Variants in IFNGR2 observed in about 807,000 individuals in gnomAD.
IFNGR2 encodes interferon gamma receptor 2, also known as IFN-gamma receptor 2.
In IFNGR2, 15 loss-of-function variants were observed where a neutral mutation model predicts 41.1. The ratio of observed to expected loss-of-function variants is 0.37; its 90% confidence interval spans 0.24 to 0.56. The LOEUF is 0.56. Ranked by LOEUF, IFNGR2 falls within the 20% of genes least tolerant of loss-of-function variation. The pLI, the probability that IFNGR2 is intolerant of heterozygous loss-of-function variation, is 0.81. For synonymous variants in IFNGR2, 161 were observed against 171.6 expected, an observed-to-expected ratio of 0.94 and a Z score of 0.48; for missense variants, 362 against 415.7, an observed-to-expected ratio of 0.87 and a Z score of 1.12.
chr21:33,432,136 C>T (rs2083894216), intron 4 of IFNGR2, 41 bp from the exon 5 acceptor site: 14 of 1,585,398 alleles, frequency 8.8e-6, no homozygotes, highest in Non-Finnish European at 1.2e-5. Flanking sequence ...GCAGCTTGGC[C>T]ATGTTCATTT....
intron 6 of IFNGR2, among the ~76,000 whole-genome samples, chr21:33,436,169 C>G (rs903932639): frequency 0.023 from 2 of 88 alleles, no homozygotes; most frequent in Non-Finnish European, 0.053. Context: ...ACAGCCTGAC[C>G]AACATGGGAA....
In IFNGR2 at chr21:33,426,977, C is replaced by T. The variant is rs2083843202; in HGVS notation, c.506C>T (p.Ser169Phe). 6.2e-7 allele frequency: 1 copy of T among 1,613,536 alleles called. No homozygotes were observed. The highest frequency in any genetic ancestry group is 2.2e-5 in the East Asian group (1 of 44,890). ...FSSPFDIADTSTAFFCYYVHY... is the reference protein window; with the variant it reads ...FSSPFDIADTFTAFFCYYVHY... Reference sequence around the variant, plus strand: ...TCTCCCTTTGACATCGCTGATACCTCCACGGCCTTTTTTTGTTATTATGTC... The same window carrying T: ...TCTCCCTTTGACATCGCTGATACCTTCACGGCCTTTTTTTGTTATTATGTC... Residue 169 changes from serine to phenylalanine, a missense_variant, in exon 4 of 7, where the codon TCC (serine) becomes TTC (phenylalanine). Ser to Phe is a radical substitution (Grantham distance 155). Coordinates refer to ENST00000290219, the MANE Select transcript of IFNGR2 (RefSeq NM_005534.4).
At chr21:33,429,097 A>C (rs368928749) in intron 4 of IFNGR2, among the ~76,000 whole-genome samples, 8 of 152,290 alleles carry the variant, frequency 5.3e-5, no homozygotes, top group Middle Eastern at 3.4e-3. Flanking sequence ...TCGTGTATAA[A>C]ATGAAACAAC....
chr21:33,431,575 A>G (rs2083888136), intron 4 of IFNGR2, among the ~76,000 whole-genome samples: 1 of 152,210 alleles, frequency 6.6e-6, no homozygotes, highest in Admixed American at 6.5e-5. Flanking sequence ...TCTCAAAAAA[A>G]AAAAGAAATA....
At chr21:33,436,002 A>G (rs892559015) in intron 6 of IFNGR2, among the ~76,000 whole-genome samples, 3 of 151,690 alleles carry the variant, frequency 2.0e-5, no homozygotes, top group African/African-American at 7.3e-5. Flanking sequence ...CGGAAGTTGC[A>G]GTGAGCCGAG....
Position 33,426,917 on chromosome 21 carries a change from C to T in IFNGR2, c.446C>T (p.Thr149Ile). The T allele has an allele frequency of 1.2e-6, 2 of 1,613,578 alleles. No individual in the cohort carries two copies. Among genetic ancestry groups the T allele is most frequent in the Non-Finnish European group, 1.7e-6 (2 of 1,179,784 alleles). Reference sequence around the variant, plus strand: ...GGGCCTCCAGAAAACATTGAGGTGACCCCAGGAGAAGGCTCCCTCATCATC... The same window carrying T: ...GGGCCTCCAGAAAACATTGAGGTGATCCCAGGAGAAGGCTCCCTCATCATC... ...TVGPPENIEVTPGEGSLIIRF... is the reference protein window; with the variant it reads ...TVGPPENIEVIPGEGSLIIRF... The change falls in exon 4 of 7, where the codon ACC becomes ATC. Residue 149 changes from threonine (T) to isoleucine (I), a missense_variant. By Grantham distance (89) the Thr-to-Ile change is moderately conservative (BLOSUM62 -1). Coordinates refer to ENST00000290219, the MANE Select transcript of IFNGR2 (RefSeq NM_005534.4).
intron 1 of IFNGR2, among the ~76,000 whole-genome samples, chr21:33,405,226 T>G (rs2083669681): frequency 1.3e-5 from 2 of 152,172 alleles, no homozygotes; most frequent in South Asian, 4.1e-4. Context: ...GAGAGTGATA[T>G]CATAGGAGTC....
chr21:33,417,230 A>G (rs2083760737), intron 2 of IFNGR2, among the ~76,000 whole-genome samples: 1 of 151,822 alleles, frequency 6.6e-6, no homozygotes, highest in Admixed American at 6.6e-5. Flanking sequence ...AGCTGGGACT[A>G]TGGGCGCACA....
At chr21:33,412,393 G>A (rs2083723709) in intron 1 of IFNGR2, among the ~76,000 whole-genome samples, 1 of 152,200 alleles carries the variant, frequency 6.6e-6, no homozygotes, top group African/African-American at 2.4e-5. Context: ...ATGTGCCTAT[G>A]TGTGGTATTG....
Position 33,432,321 on chromosome 21 carries a change from G to A in IFNGR2, c.706G>A (p.Glu236Lys), listed in dbSNP as rs756695934. The change falls in exon 5 of 7, where the codon GAA becomes AAA. Residue 236 changes from glutamate to lysine, a missense_variant. Coordinates refer to ENST00000290219, the MANE Select transcript of IFNGR2 (RefSeq NM_005534.4). ...VGHLSNISCYETMADASTELQ... is the reference protein window; with the variant it reads ...VGHLSNISCYKTMADASTELQ... ...GCATTTAAGCAACATATCTTGCTACGAAACAATGGCAGATGGTAAAATATA... is the reference window on the plus strand; with the variant it reads ...GCATTTAAGCAACATATCTTGCTACAAAACAATGGCAGATGGTAAAATATA... 4.6e-5 allele frequency: 75 copies of A among 1,613,862 alleles called. No individual in the cohort carries two copies. The highest frequency in any genetic ancestry group is 6.0e-5 in the Non-Finnish European group (71 of 1,179,850).
At chr21:33,434,819 T>G (rs948243511) in intron 6 of IFNGR2, among the ~76,000 whole-genome samples, 1 of 152,178 alleles carries the variant, frequency 6.6e-6, no homozygotes, top group Non-Finnish European at 1.5e-5. Context: ...CTCAGAATCT[T>G]ACTTGCAGTA....
chr21:33,415,929 T>C (rs1337849736), intron 2 of IFNGR2, among the ~76,000 whole-genome samples: 1 of 152,182 alleles, frequency 6.6e-6, no homozygotes, highest in African/African-American at 2.4e-5. Flanking sequence ...TGGCATGATC[T>C]CAGCTCACTG....
At position 33,414,904 on chromosome 21, in the gene IFNGR2, GC is replaced by G; in HGVS notation, c.93del (p.Ala32LeufsTer16). 6.2e-7 allele frequency: 1 copy of G among 1,613,864 alleles called. No homozygotes were observed. The highest frequency in any genetic ancestry group is 8.5e-7 in the Non-Finnish European group (1 of 1,179,928). On this transcript the variant is annotated frameshift_variant, in exon 2 of 7. Transcript: ENST00000290219. LOFTEE classifies it high-confidence loss of function. ...AAPPDPLSQLPAPQHPKIRLY... is the reference protein window; with the variant it reads ...AAPPDPLSQLXAPQHPKIRLY... ...CCCCTCAAGACCCTCTTTCCCAGCTGCCCGCTCCTCAGCACCCGAAGATTCG... is the reference window on the plus strand; with the variant it reads ...CCCCTCAAGACCCTCTTTCCCAGCTGCCGCTCCTCAGCACCCGAAGATTCG...
intron 1 of IFNGR2, among the ~76,000 whole-genome samples, chr21:33,410,328 G>A (rs2083706918): frequency 6.6e-6 from 1 of 151,768 alleles, no homozygotes; most frequent in Admixed American, 6.6e-5. Flanking sequence ...CACCATGCCT[G>A]GCTAATTTTT....
At chr21:33,434,885 CTA>C (rs775143378) in intron 6 of IFNGR2, among the ~76,000 whole-genome samples, 6 of 152,198 alleles carry the variant, frequency 3.9e-5, no homozygotes, top group Non-Finnish European at 7.3e-5. Flanking sequence ...CATGAATATA[CTA>C]TGAGTCATTC....
rs1425468013 is a variant in IFNGR2 at position 33,403,522 on chromosome 21, C to T, written c.-22C>T. ...AGCGGGGCCCCGGCCGCGACCTGAG[C>T]CGCCGCCGAGCGCCCGGGGCCATGC... On this transcript the variant is annotated 5_prime_UTR_variant, in exon 1 of 7. Transcript: ENST00000290219. 1.6e-6 allele frequency: 2 copies of T among 1,247,514 alleles called. No individual in the cohort carries two copies. The highest frequency in any genetic ancestry group is 3.9e-5 in the East Asian group (1 of 25,600). 77.3% of individuals were successfully genotyped at this position (1,247,514 alleles called of 1,614,324 possible).
At chr21:33,431,702 C>A (rs1453269973) in intron 4 of IFNGR2, among the ~76,000 whole-genome samples, 1 of 152,218 alleles carries the variant, frequency 6.6e-6, no homozygotes, top group African/African-American at 2.4e-5. Flanking sequence ...TCCCATGTAG[C>A]TGGGATTACA....
intron 1 of IFNGR2, among the ~76,000 whole-genome samples, chr21:33,407,920 GC>G (rs1311695285): frequency 7.0e-6 from 1 of 143,882 alleles, no homozygotes; most frequent in Non-Finnish European, 1.5e-5. Context: ...ACCATGCCTG[GC>G]CTAGTATTTC....
At position 33,407,703 on chromosome 21, in the gene IFNGR2, C is replaced by T. The variant is rs55728914; in HGVS notation, c.73+4087C>T. 4.5e-3 allele frequency among the ~76,000 whole-genome samples: 683 copies of T among 152,304 alleles called. 3 individuals carry two copies. Among genetic ancestry groups the T allele is most frequent in the Middle Eastern group, 0.014 (4 of 294 alleles). On this transcript the variant is annotated intron_variant, in intron 1 of 6. Transcript: ENST00000290219. ...CTCTATCTCCCAGGTTCAAGCGATT[C>T]TCCTGTCTCAGCCTCCCAAGTAGCT...
Sources: allele counts gnomAD v4.1 joint callset (sites outside exome capture counted in the v4.1 genomes callset), GRCh38; gene constraint gnomAD v4.1.1; transcripts MANE v1.5; gene names NCBI Gene and HGNC (gene_info 2026-07-23, HGNC 2026-07-21).